OAS1: variants seen among roughly 807,000 people sequenced by gnomAD.
OAS1 encodes the protein 2'-5'-oligoadenylate synthetase 1, also known as 2'-5'-oligoadenylate synthase 1.
OAS1 carries 24 observed loss-of-function variants against 38.5 expected under a neutral mutation model. The observed-to-expected ratio is 0.62, with a 90% CI of 0.45 to 0.88. The LOEUF (loss-of-function observed/expected upper bound fraction) is 0.88, where lower values mean the gene tolerates loss of function less well. Among genes scored for constraint, OAS1 ranks in the 40% least tolerant of loss-of-function variants. The pLI, the probability that OAS1 is intolerant of heterozygous loss-of-function variation, is 0.00. For synonymous variants in OAS1, 169 were observed against 193.9 expected, an observed-to-expected ratio of 0.87 and a Z score of 1.07; for missense variants, 482 against 493.9, an observed-to-expected ratio of 0.98 and a Z score of 0.23.
intron 4 of OAS1, among the ~76,000 whole-genome samples, chr12:112,917,235 A>G (rs2043473398): frequency 6.6e-6 from 1 of 152,136 alleles, no homozygotes; most frequent in Admixed American, 6.5e-5. Context: ...AGGTATGTGG[A>G]ACTATTCCCA....
chr12:112,918,792 A>G (rs931063546), intron 5 of OAS1: 8 of 331,778 alleles, frequency 2.4e-5, no homozygotes, highest in Non-Finnish European at 4.9e-5. Flanking sequence ...GGGTTGTCAC[A>G]CAGCTAAACA....
Position 112,907,069 on chromosome 12 carries a change from A to G in OAS1, c.30A>G (p.Lys10=). The G allele has an allele frequency of 6.2e-7, 1 of 1,614,242 alleles. No individual in the cohort carries two copies. Among genetic ancestry groups the G allele is most frequent in the South Asian group, 1.1e-5 (1 of 91,084 alleles). The change falls in exon 1 of 6, where the codon AAA becomes AAG. Residue 10 remains lysine, a synonymous_variant. Transcript: ENST00000202917. MMDLRNTPA[K]SLDKFIEDYL... Reference sequence around the variant, plus strand: ...TGGATCTCAGAAATACCCCAGCCAAATCTCTGGACAAGTTCATTGAAGACT... The same window carrying G: ...TGGATCTCAGAAATACCCCAGCCAAGTCTCTGGACAAGTTCATTGAAGACT...
intron 6 of OAS1, among the ~76,000 whole-genome samples, chr12:112,928,406 G>A (rs2043573956): frequency 1.3e-5 from 2 of 152,170 alleles, no homozygotes; most frequent in Admixed American, 1.3e-4. Flanking sequence ...CAAGTGTATT[G>A]GTTAGTGATT....
chr12:112,908,528 T>G lies in OAS1; in HGVS notation c.181-8T>G, dbSNP rs774755360. On this transcript the variant is annotated splice_polypyrimidine_tract_variant and splice_region_variant and intron_variant, in intron 1 of 5. Coordinates refer to ENST00000202917, the MANE Select transcript of OAS1 (RefSeq NM_016816.4). ...AGCATCAATTATTATTTTTGTCGTC[T>G]TTTTCAGGGTGGCTCCTCAGGCAAG... is the stretch of plus-strand genomic sequence containing the variant. 2.3e-5 allele frequency: 37 copies of G among 1,596,674 alleles called. No individual in the cohort carries two copies. The highest frequency in any genetic ancestry group is 6.8e-5 in the African/African-American group (5 of 73,852).
At chr12:112,931,842 T>C in intron 6 of OAS1, 1 of 689,506 alleles carries the variant, frequency 1.5e-6, no homozygotes, top group Non-Finnish European at 2.6e-6. Flanking sequence ...GGCTCCTCAA[T>C]ATGAGAGTGA....
At chr12:112,931,586 G>C (rs546943447) in intron 6 of OAS1, among the ~76,000 whole-genome samples, 1 of 152,186 alleles carries the variant, frequency 6.6e-6, no homozygotes, top group South Asian at 2.1e-4. Flanking sequence ...AGAAGAGGGC[G>C]CTCATTTGCT....
downstream of OAS1, among the ~76,000 whole-genome samples, chr12:112,921,085 T>C (rs534631272): frequency 6.6e-6 from 1 of 152,328 alleles, no homozygotes; most frequent in South Asian, 2.1e-4. Flanking sequence ...CAGGGAAAGA[T>C]GAATGTCCCA....
downstream of OAS1, among the ~76,000 whole-genome samples, chr12:112,922,760 C>T (rs1319817584): frequency 1.3e-5 from 2 of 152,230 alleles, no homozygotes; most frequent in African/African-American, 2.4e-5. Flanking sequence ...CCTCTTAATA[C>T]CTTCTTCCAT....
Position 112,908,743 on chromosome 12 carries a change from C to G in OAS1, c.388C>G (p.Arg130Gly), listed in dbSNP as rs776426424. 2.5e-6 allele frequency: 4 copies of G among 1,614,168 alleles called. No individual in the cohort carries two copies. The highest frequency in any genetic ancestry group is 2.5e-6 in the Non-Finnish European group (3 of 1,180,024). Residue 130 changes from arginine to glycine, a missense_variant, in exon 2 of 6, where the codon CGT (arginine) becomes GGT (glycine). Transcript: ENST00000202917. ...EVQAPRWGNP[R>G]ALSFVLSSLQ... ...CCAGGCTCCACGCTGGGGCAACCCC[C>G]GTGCGCTCAGCTTCGTACTGAGTTC...
intron 6 of OAS1, among the ~76,000 whole-genome samples, chr12:112,931,258 T>A (rs990745486): frequency 1.3e-5 from 2 of 152,198 alleles, no homozygotes; most frequent in Non-Finnish European, 2.9e-5. Flanking sequence ...ATTATTTCAT[T>A]TTATTCTCAC....
chr12:112,910,534 G>A (rs1395529143), intron 2 of OAS1, among the ~76,000 whole-genome samples: 1 of 152,076 alleles, frequency 6.6e-6, no homozygotes, highest in African/African-American at 2.4e-5. Context: ...GAGCCTTGGG[G>A]AGATCTGGAG....
intron 6 of OAS1, among the ~76,000 whole-genome samples, chr12:112,929,227 G>A (rs2043581995): frequency 6.6e-6 from 1 of 152,178 alleles, no homozygotes; most frequent in African/African-American, 2.4e-5. Context: ...TTTCTTGGGT[G>A]TAAGGCAGAC....
intron 6 of OAS1, among the ~76,000 whole-genome samples, chr12:112,928,544 T>G (rs917338856): frequency 1.3e-5 from 2 of 152,212 alleles, no homozygotes; most frequent in African/African-American, 4.8e-5. Context: ...ATGCTGTGGG[T>G]TCTCCTGAGC....
chr12:112,915,553 A>C (rs1047946209), intron 3 of OAS1, among the ~76,000 whole-genome samples: 2 of 152,118 alleles, frequency 1.3e-5, no homozygotes, highest in Non-Finnish European at 2.9e-5. Context: ...CTGATAATGT[A>C]ATGCCTCCAG....
chr12:112,913,538 AT>A (rs2043414282), intron 3 of OAS1, among the ~76,000 whole-genome samples: 1 of 151,700 alleles, frequency 6.6e-6, no homozygotes, highest in Non-Finnish European at 1.5e-5. Flanking sequence ...TGTGTTTTTC[AT>A]CCTTTTGTCT....
At chr12:112,913,194 G>A (rs1187068997) in intron 3 of OAS1, among the ~76,000 whole-genome samples, 1 of 152,140 alleles carries the variant, frequency 6.6e-6, no homozygotes, top group African/African-American at 2.4e-5. Flanking sequence ...CCATCTTCCA[G>A]TGTCATCATT....
chr12:112,911,803 G>A (rs11066447), intron 3 of OAS1, among the ~76,000 whole-genome samples: 3,122 of 152,220 alleles, frequency 0.021, 121 homozygotes, highest in African/African-American at 0.071. Context: ...AGCCACCATA[G>A]GAGTACACAT....
At chr12:112,916,471 C>G in intron 3 of OAS1, 38 bp from the exon 4 acceptor site, 1 of 1,572,544 alleles carries the variant, frequency 6.4e-7, no homozygotes, top group South Asian at 1.1e-5. Context: ...AAAAGTTGAG[C>G]AAACCAATTT....
chr12:112,917,916 C>G, intron 5 of OAS1: 1 of 1,444,992 alleles, frequency 6.9e-7, no homozygotes, highest in Non-Finnish European at 9.0e-7. Flanking sequence ...ATTCATTCCC[C>G]TAAGAGTAAT....
Sources: allele counts gnomAD v4.1 joint callset (sites outside exome capture counted in the v4.1 genomes callset), GRCh38; gene constraint gnomAD v4.1.1; transcripts MANE v1.5; gene names NCBI Gene and HGNC (gene_info 2026-07-23, HGNC 2026-07-21).